COMMD8: variants seen among roughly 807,000 people sequenced by gnomAD.
COMMD8 encodes the protein COMM domain containing 8.
COMMD8 carries 28 observed loss-of-function variants against 27.2 expected under a neutral mutation model. The ratio of observed to expected loss-of-function variants is 1.03; its 90% confidence interval spans 0.76 to 1.41. The LOEUF (loss-of-function observed/expected upper bound fraction) is 1.41. Ranked by LOEUF, COMMD8 falls within the 40% of genes most tolerant of loss-of-function variation. The probability of loss-of-function intolerance (pLI) is 0.00; values close to 1 mark genes in which losing one functional copy is unlikely to be tolerated. For synonymous variants in COMMD8, 79 were observed against 75.5 expected, an observed-to-expected ratio of 1.05 and a Z score of -0.24; for missense variants, 217 against 211.2, an observed-to-expected ratio of 1.03 and a Z score of -0.17.
chr4:47,457,485 T>C (rs1041735148), intron 2 of COMMD8, among the ~76,000 whole-genome samples: 2 of 152,190 alleles, frequency 1.3e-5, no homozygotes, highest in African/African-American at 4.8e-5. Flanking sequence ...AAATGCATTC[T>C]ACCTAACCTT....
chr4:47,453,327 A>G, intron 3 of COMMD8, 113 bp from the exon 4 acceptor site: 1 of 763,728 alleles, frequency 1.3e-6, no homozygotes, highest in Non-Finnish European at 2.0e-6. Flanking sequence ...GCTGTTGAGT[A>G]TAGAGAAAGG....
rs939380096 is a variant in COMMD8, at chr4:47,463,631, C to A, written c.21G>T (p.Thr7=). 5.2e-6 allele frequency: 8 copies of A among 1,548,932 alleles called. No individual in the cohort carries two copies. The highest frequency in any genetic ancestry group is 2.7e-5 in the African/African-American group (2 of 72,914). MEPEEG[T]PLWRLQKLPA... ...GCAGCTTCTGCAGCCGCCACAAGGG[C>A]GTCCCCTCTTCCGGCTCCATCCCTG... The change falls in exon 1 of 5, where the codon ACG becomes ACT. Residue 7 remains threonine, a synonymous_variant. Coordinates refer to ENST00000381571, the MANE Select transcript of COMMD8 (RefSeq NM_017845.5).
At chr4:47,462,048 G>C (rs1421110509) in intron 1 of COMMD8, among the ~76,000 whole-genome samples, 4 of 152,092 alleles carry the variant, frequency 2.6e-5, no homozygotes, top group Non-Finnish European at 5.9e-5. Context: ...TGCCTAGGGG[G>C]TGACAGGAGA....
At chr4:47,453,559 T>C (rs533521436) in intron 3 of COMMD8, among the ~76,000 whole-genome samples, 10 of 152,240 alleles carry the variant, frequency 6.6e-5, no homozygotes, top group African/African-American at 2.2e-4. Flanking sequence ...ACCAAGAAGA[T>C]GAAAGTTCAT....
intron 1 of COMMD8, 104 bp downstream of exon 1, chr4:47,463,482 C>G: frequency 9.1e-7 from 1 of 1,100,410 alleles, no homozygotes; most frequent in Non-Finnish European, 1.3e-6. Context: ...CCTCCCTTCC[C>G]TAGGGAGCTT....
Position 47,451,512 on chromosome 4 carries a change from A to T in COMMD8, c.*133T>A. On this transcript the variant is annotated 3_prime_UTR_variant, in exon 5 of 5. Coordinates refer to ENST00000381571, the MANE Select transcript of COMMD8 (RefSeq NM_017845.5). Reference sequence around the variant, plus strand: ...AATGTTGATAAATTTTTATCTTTATAATATCAATATTGCTGCTTTCTCAGC... The same window carrying T: ...AATGTTGATAAATTTTTATCTTTATTATATCAATATTGCTGCTTTCTCAGC... 1 of 675,586 alleles carries T rather than the reference A, an allele frequency of 1.5e-6. No individual in the cohort carries two copies. Among genetic ancestry groups the T allele is most frequent in the Non-Finnish European group, 2.6e-6 (1 of 389,046 alleles). The allele number at this position is 675,586 out of a possible 1,614,324, so 41.8% of individuals were successfully genotyped here.
intron 3 of COMMD8, among the ~76,000 whole-genome samples, chr4:47,454,120 A>G (rs1267727111): frequency 6.6e-6 from 1 of 152,188 alleles, no homozygotes; most frequent in Non-Finnish European, 1.5e-5. Flanking sequence ...AATATTTCCA[A>G]TAAATAGTTT....
chr4:47,463,580 C>T lies in COMMD8; in HGVS notation c.66+6G>A, dbSNP rs1560392907. The T allele has an allele frequency of 1.3e-6, 2 of 1,544,050 alleles. No homozygotes were observed. Among genetic ancestry groups the T allele is most frequent in the Admixed American group, 2.0e-5 (1 of 50,876 alleles). Reference sequence around the variant, plus strand: ...CCGCGCCGCTTCCCCCGGTACCCGCCCTCACCTGCGGGCCCAGCTCGGCCG... The same window carrying T: ...CCGCGCCGCTTCCCCCGGTACCCGCTCTCACCTGCGGGCCCAGCTCGGCCG... On this transcript the variant is annotated splice_donor_region_variant and intron_variant, in intron 1 of 4. Transcript: ENST00000381571.
At chr4:47,461,681 A>C (rs71611998) in intron 1 of COMMD8, among the ~76,000 whole-genome samples, 17,172 of 152,256 alleles carry the variant, frequency 0.11, 1,054 homozygotes, top group Middle Eastern at 0.16. Context: ...AAATGACTTT[A>C]TTTAATGGCA....
chr4:47,450,948 T>C lies in COMMD8; in HGVS notation c.*697A>G, dbSNP rs866091700. ...ATATTTGAATATACACACTGCATAATGACAGCTATTTTTTATCAGAGCAAT... is the reference window on the plus strand; with the variant it reads ...ATATTTGAATATACACACTGCATAACGACAGCTATTTTTTATCAGAGCAAT... On this transcript the variant is annotated 3_prime_UTR_variant, in exon 5 of 5. Transcript: ENST00000381571. The C allele has an allele frequency of 1.3e-5, 2 of 152,318 alleles. No homozygotes were observed. The highest frequency in any genetic ancestry group is 4.8e-5 in the African/African-American group (2 of 41,470). 9.4% of individuals were successfully genotyped at this position (152,318 alleles called of 1,614,324 possible).
At chr4:47,458,903 C>T (rs889711034) in intron 2 of COMMD8, among the ~76,000 whole-genome samples, 2 of 151,980 alleles carry the variant, frequency 1.3e-5, no homozygotes, top group East Asian at 1.9e-4. Flanking sequence ...AAAGGCAGCA[C>T]AGCAATATTG....
At chr4:47,456,262 TTATACATATA>T (rs1442049972) in intron 3 of COMMD8, among the ~76,000 whole-genome samples, 51 of 80,860 alleles carry the variant, frequency 6.3e-4, no homozygotes, top group African/African-American at 2.0e-3. Flanking sequence ...AATAAATAAA[TTATACATATA>T]TATATATATA....
chr4:47,463,305 G>T (rs142884218), intron 1 of COMMD8, among the ~76,000 whole-genome samples: 7 of 152,354 alleles, frequency 4.6e-5, no homozygotes, highest in South Asian at 2.1e-4. Context: ...CGTATACTAA[G>T]AGGCAGCAAA....
intron 2 of COMMD8, 67 bp downstream of exon 2, chr4:47,460,077 C>A: frequency 7.3e-7 from 1 of 1,369,994 alleles, no homozygotes; most frequent in Non-Finnish European, 1.0e-6. Flanking sequence ...ATACATTGCT[C>A]TAAAAAACTC....
At chr4:47,453,703 G>A (rs1480334765) in intron 3 of COMMD8, among the ~76,000 whole-genome samples, 2 of 152,156 alleles carry the variant, frequency 1.3e-5, no homozygotes, top group Non-Finnish European at 2.9e-5. Context: ...CCACTCAACA[G>A]AAACACTCTG....
Position 47,453,040 on chromosome 4 carries a change from AC to A in COMMD8, c.531+18del. On this transcript the variant is annotated intron_variant, in intron 4 of 4. Coordinates refer to ENST00000381571, the MANE Select transcript of COMMD8 (RefSeq NM_017845.5). ...AAACCTTAAACATTCAAATCATATG[AC>A]AAAATTATAGCAAATACCTTATTCG... The A allele has an allele frequency of 6.3e-7, 1 of 1,577,494 alleles. No homozygotes were observed. The highest frequency in any genetic ancestry group is 1.2e-5 in the South Asian group (1 of 85,294).
In COMMD8 at chr4:47,456,621, C is replaced by A. The variant is rs1729897227; in HGVS notation, c.331G>T (p.Ala111Ser). The change falls in exon 3 of 5, where the codon GCT (alanine) becomes TCT (serine). Residue 111 changes from alanine to serine, a missense_variant. Ala to Ser is a moderately conservative substitution (Grantham distance 99). Transcript: ENST00000381571. Reference sequence around the variant, plus strand: ...TCCTGTAGCTGTGCAGAGGAAATAGCAACTATTTCTCTTGACAGAGCCTGT... The same window carrying A: ...TCCTGTAGCTGTGCAGAGGAAATAGAAACTATTTCTCTTGACAGAGCCTGT... ...IKQALSREIV[A>S]ISSAQLQDFD... The A allele has an allele frequency of 6.2e-7, 1 of 1,609,056 alleles. No individual in the cohort carries two copies. The highest frequency in any genetic ancestry group is 1.3e-5 in the African/African-American group (1 of 74,620).
At position 47,456,556 on chromosome 4, in the gene COMMD8, C is replaced by T. The variant is rs746174610; in HGVS notation, c.375+21G>A. On this transcript the variant is annotated intron_variant, in intron 3 of 4. Transcript: ENST00000381571. ...TATCCAAAAAATGAAATAAAAAATA[C>T]ACATACTCATAGACTCTTACCTTTA... 1.0e-5 allele frequency: 16 copies of T among 1,525,934 alleles called. No individual in the cohort carries two copies. The South Asian group carries it at 2.0e-4, about 19-fold the overall frequency. 94.5% of individuals were successfully genotyped at this position (1,525,934 alleles called of 1,614,324 possible).
Position 47,453,209 on chromosome 4 carries a change from T to C in COMMD8, c.381A>G (p.Ala127=). The C allele has an allele frequency of 6.2e-7, 1 of 1,612,122 alleles. No homozygotes were observed. Among genetic ancestry groups the C allele is most frequent in the Non-Finnish European group, 8.5e-7 (1 of 1,179,252 alleles). ...ATGCAGCAATCTTGTCACTGGAAAG[T>C]GCAAGCTGTTTAAAATCAGAAAAAT... is the stretch of plus-strand genomic sequence containing the variant. ...LQDFDWQVKL[A]LSSDKIAALR... The change falls in exon 4 of 5, where the codon GCA becomes GCG. Residue 127 remains alanine, a synonymous_variant. Transcript: ENST00000381571.
Sources: gnomAD v4.1 joint callset for allele counts (sites outside exome capture counted in the v4.1 genomes callset) on GRCh38, gnomAD v4.1.1 for gene constraint, MANE v1.5 for transcripts, NCBI Gene and HGNC (gene_info 2026-07-23, HGNC 2026-07-21) for gene names.